Variants in CACNA1I observed in about 807,000 individuals in gnomAD.
The protein encoded by CACNA1I is calcium voltage-gated channel subunit alpha1 I, also known as voltage-dependent T-type calcium channel subunit alpha-1I.
In CACNA1I, 74 loss-of-function variants were observed where a neutral mutation model predicts 201.6. The observed-to-expected ratio is 0.37, with a 90% CI of 0.30 to 0.45. The LOEUF is 0.45. CACNA1I is among the 20% of genes least tolerant of loss of function. CACNA1I has a pLI of 1.00. For synonymous variants in CACNA1I, 1,431 were observed against 1,345.2 expected, an observed-to-expected ratio of 1.06 and a Z score of -1.40; for missense variants, 2,346 against 3,138.1, an observed-to-expected ratio of 0.75 and a Z score of 6.03.
chr22:39,651,087 C>T (rs1215836257), intron 10 of CACNA1I, among the ~76,000 whole-genome samples: 1 of 152,222 alleles, frequency 6.6e-6, no homozygotes, highest in Non-Finnish European at 1.5e-5. Context: ...TCCCTGAACC[C>T]ACTCCCCAGC....
At chr22:39,591,278 C>T (rs1249801830) in intron 1 of CACNA1I, among the ~76,000 whole-genome samples, 15 of 151,802 alleles carry the variant, frequency 9.9e-5, no homozygotes, top group Admixed American at 9.2e-4. Context: ...CCTCCTGCCT[C>T]AGCCTCCTGA....
At position 39,655,231 on chromosome 22, in the gene CACNA1I, A is replaced by C. The variant is rs540799865; in HGVS notation, c.1993-2921A>C. 8.2e-4 allele frequency among the ~76,000 whole-genome samples: 122 copies of C among 148,990 alleles called. 1 individual carries two copies. The highest frequency in any genetic ancestry group is 3.0e-3 in the African/African-American group (119 of 39,950). The stretch of plus-strand genomic sequence containing the variant: ...CTAATCAACGCTAGCTGCCATTATT[A>C]TGATGGGGATGGTGCTGGGCTGGAG... On this transcript the variant is annotated intron_variant, in intron 10 of 36. Coordinates refer to ENST00000402142, the MANE Select transcript of CACNA1I (RefSeq NM_021096.4).
chr22:39,661,551 C>A (rs986260958), intron 16 of CACNA1I, among the ~76,000 whole-genome samples: 1 of 152,212 alleles, frequency 6.6e-6, no homozygotes, highest in Non-Finnish European at 1.5e-5. Context: ...ATCTCAGCAA[C>A]AATGTGTAGG....
chr22:39,590,394 G>T (rs907629158), intron 1 of CACNA1I, among the ~76,000 whole-genome samples: 54 of 152,174 alleles, frequency 3.5e-4, no homozygotes, highest in African/African-American at 1.3e-3. Flanking sequence ...AGGGGCTGGA[G>T]CATCTCTCTT....
chr22:39,660,072 C>T (rs1332793544), intron 14 of CACNA1I, among the ~76,000 whole-genome samples: 2 of 152,200 alleles, frequency 1.3e-5, no homozygotes, highest in African/African-American at 2.4e-5. Flanking sequence ...GGATGTAGGA[C>T]TAGGCTTCTC....
chr22:39,609,946 A>G (rs1209712111), intron 3 of CACNA1I, among the ~76,000 whole-genome samples: 3 of 152,178 alleles, frequency 2.0e-5, no homozygotes, highest in Admixed American at 1.3e-4. Flanking sequence ...TCTAACGTCA[A>G]TACCAACCTA....
intron 4 of CACNA1I, among the ~76,000 whole-genome samples, chr22:39,628,742 G>A (rs1242541589): frequency 6.6e-6 from 1 of 152,076 alleles, no homozygotes; most frequent in Non-Finnish European, 1.5e-5. Flanking sequence ...AGCAGCAGAC[G>A]GCCTCTCCCA....
In CACNA1I at chr22:39,649,902, A is replaced by G. The variant is rs1270139133; in HGVS notation, c.1969A>G (p.Met657Val). 6.2e-7 allele frequency: 1 copy of G among 1,613,306 alleles called. No homozygotes were observed. ...GGCCATCCTGGTCAACACCGTCAGC[A>G]TGGGCATCGAGCACCACGAGCAGGC... ...MMAILVNTVS[M>V]GIEHHEQPEE... The change falls in exon 10 of 37, where the codon ATG becomes GTG. Residue 657 changes from methionine (M) to valine (V), a missense_variant. Physicochemically the swap from Met to Val is conservative, Grantham distance 21 (BLOSUM62 1). This residue lies in a region of CACNA1I where 155 missense variants were observed against 300.8 expected (regional missense o/e 0.52). Coordinates refer to ENST00000402142, the MANE Select transcript of CACNA1I (RefSeq NM_021096.4). The surrounding 1 kb of genome is among the most constrained non-coding windows in gnomAD (Gnocchi z 7.3).
intron 10 of CACNA1I, among the ~76,000 whole-genome samples, chr22:39,650,761 A>G (rs1934623163): frequency 6.6e-6 from 1 of 152,220 alleles, no homozygotes; most frequent in African/African-American, 2.4e-5. Flanking sequence ...CAGGGAGGAC[A>G]GGAGGAGTGG....
At chr22:39,672,559 C>G (rs1935404386) in intron 27 of CACNA1I, among the ~76,000 whole-genome samples, 2 of 152,184 alleles carry the variant, frequency 1.3e-5, no homozygotes, top group Admixed American at 1.3e-4. Context: ...ACCCTATGGG[C>G]AGAGCAGGGT....
rs567403422 is a variant in CACNA1I, at chr22:39,575,114, A to G, written c.236+4126A>G. Among the ~76,000 whole-genome samples, 24 of 152,366 alleles carry G rather than the reference A, an allele frequency of 1.6e-4. No individual in the cohort carries two copies. The South Asian group carries it at 5.0e-3, about 32-fold the overall frequency. On this transcript the variant is annotated intron_variant, in intron 1 of 36. Coordinates refer to ENST00000402142, the MANE Select transcript of CACNA1I (RefSeq NM_021096.4). ...GCCTGGGCCGTGGGCATGGGCTGTC[A>G]GCTGCAGATGCAGCTGCAAGGCCTC...
chr22:39,662,312 G>A lies in CACNA1I; in HGVS notation c.3249G>A (p.Arg1083=). The A allele has an allele frequency of 6.7e-7, 1 of 1,486,150 alleles. No individual in the cohort carries two copies. Among genetic ancestry groups the A allele is most frequent in the Non-Finnish European group, 8.9e-7 (1 of 1,126,032 alleles). 92.1% of individuals were successfully genotyped at this position (1,486,150 alleles called of 1,614,324 possible). Residue 1083 remains arginine, a synonymous_variant, in exon 17 of 37, where the codon AGG becomes AGA. Transcript: ENST00000402142. ...AVGAHPRAAW[R]AAGPAPGHED... ...GCGCCCACCCCCGGGCCGCCTGGAG[G>A]GCGGCAGGCCCGGCCCCCGGGCATG...
At chr22:39,647,585 A>G (rs1281166865) in intron 8 of CACNA1I, among the ~76,000 whole-genome samples, 15 of 151,972 alleles carry the variant, frequency 9.9e-5, no homozygotes. Flanking sequence ...CTAATTTTTT[A>G]ATTTTTTTTT....
rs534932500 is a variant in CACNA1I, at chr22:39,685,260, C to T, written c.6028-501C>T. 6.6e-6 allele frequency: 1 copy of T among 151,744 alleles called. No individual in the cohort carries two copies. Among genetic ancestry groups the T allele is most frequent in the East Asian group, 2.0e-4 (1 of 5,008 alleles). 9.4% of individuals were successfully genotyped at this position (151,744 alleles called of 1,614,324 possible). On this transcript the variant is annotated intron_variant, in intron 36 of 36. Transcript: ENST00000402142. This position sits in a 1 kb window ranked among gnomAD's most constrained non-coding sequence, Gnocchi z 5.0. ...CATGGTGGACAGGCAGGGAGAACAG[C>T]TCCTGGGGAGGGGCTGCAGGTGGGG...
chr22:39,661,704 A>T (rs1458187026), intron 16 of CACNA1I, among the ~76,000 whole-genome samples: 2 of 152,200 alleles, frequency 1.3e-5, no homozygotes, highest in African/African-American at 4.8e-5. Context: ...GATGGCCCTA[A>T]CTTGCTGTAC....
intron 1 of CACNA1I, 64 bp from the exon 2 acceptor site, chr22:39,598,087 T>C: frequency 1.1e-6 from 1 of 921,284 alleles, no homozygotes; most frequent in Non-Finnish European, 1.7e-6. Context: ...TATTACACTC[T>C]AGGGTGCACC....
At chr22:39,672,350 G>T in intron 27 of CACNA1I, 42 bp downstream of exon 27, 1 of 1,318,876 alleles carries the variant, frequency 7.6e-7, no homozygotes, top group African/African-American at 1.4e-5. Flanking sequence ...AGGGTAGACT[G>T]CAGGATGAAG....
At chr22:39,614,243 C>T (rs1011838206) in intron 3 of CACNA1I, among the ~76,000 whole-genome samples, 4 of 152,132 alleles carry the variant, frequency 2.6e-5, no homozygotes, top group Non-Finnish European at 4.4e-5. Flanking sequence ...ATGAAGCTTG[C>T]GGCAGGTAGC....
At chr22:39,630,129 C>T (rs748197857) in intron 4 of CACNA1I, among the ~76,000 whole-genome samples, 5 of 152,104 alleles carry the variant, frequency 3.3e-5, no homozygotes, top group African/African-American at 1.2e-4. Context: ...CCCCAGACAG[C>T]GACAGCCCCT....
Sources: allele counts gnomAD v4.1 joint callset (sites outside exome capture counted in the v4.1 genomes callset), GRCh38; gene constraint gnomAD v4.1.1; regional missense constraint gnomAD v4.1.1; non-coding constraint Gnocchi (gnomAD v3.1); transcripts MANE v1.5; gene names NCBI Gene and HGNC (gene_info 2026-07-23, HGNC 2026-07-21).